Variants in MYO16 observed in about 807,000 individuals in gnomAD.
MYO16 encodes the protein unconventional myosin-XVI.
Under a neutral mutation model 205.3 loss-of-function variants are expected in MYO16, and 94 were observed. That is an observed-to-expected ratio of 0.46 (90% CI 0.39 to 0.54). The LOEUF (loss-of-function observed/expected upper bound fraction) is 0.54. MYO16 is among the 20% of genes least tolerant of loss of function. The pLI is 0.00. For synonymous variants in MYO16, 988 were observed against 954.0 expected (o/e 1.04, Z -0.66); for missense variants, 2,315 against 2,387.5 (o/e 0.97, Z 0.63).
chr13:108,638,213 C>A (rs757488627), intron 1 of MYO16, among the ~76,000 whole-genome samples: 5 of 152,104 alleles, frequency 3.3e-5, no homozygotes, highest in Non-Finnish European at 7.3e-5. Flanking sequence ...ACAGCAAGTT[C>A]GAAGACCCTG....
intron 32 of MYO16, among the ~76,000 whole-genome samples, chr13:109,148,212 G>C (rs1225583091): frequency 1.3e-5 from 2 of 152,108 alleles, no homozygotes; most frequent in Non-Finnish European, 2.9e-5. Flanking sequence ...TATGTTAAGA[G>C]CACAAAGCTC....
chr13:108,771,109 C>A (rs71435297), intron 4 of MYO16, among the ~76,000 whole-genome samples: 12,107 of 152,148 alleles, frequency 0.08, 617 homozygotes, highest in Non-Finnish European at 0.12. Flanking sequence ...ACTATAAAAA[C>A]AGAGGACTGT....
chr13:108,572,675 A>G, the MYO16 span, among the ~76,000 whole-genome samples: 1 of 152,130 alleles, frequency 6.6e-6, no homozygotes, highest in Non-Finnish European at 1.5e-5. Context: ...TTTTTGTGAC[A>G]TAGGTTACTG....
rs540196554 is a variant in MYO16, at chr13:109,139,027, C to G, written c.4052-1237C>G. Among the ~76,000 whole-genome samples the G allele has an allele frequency of 2.6e-5, 4 of 152,200 alleles. No homozygotes were observed. In the South Asian group the frequency reaches 6.2e-4, roughly 24 times the overall value. ...TAGAAATTGGGTTTCACCATGTTAG[C>G]CAGGCTGGTCTCAAACTCCTGACCT... On this transcript the variant is annotated intron_variant, in intron 31 of 34. Coordinates refer to ENST00000457511, the MANE Select transcript of MYO16 (RefSeq NM_001198950.3).
chr13:108,735,663 T>C, intron 4 of MYO16, among the ~76,000 whole-genome samples: 1 of 150,792 alleles, frequency 6.6e-6, no homozygotes, highest in Non-Finnish European at 1.5e-5. Context: ...TACCCAGTAA[T>C]GGTATGGCTG....
the MYO16 span, among the ~76,000 whole-genome samples, chr13:108,570,174 G>A: frequency 1.3e-5 from 2 of 152,108 alleles, no homozygotes; most frequent in Non-Finnish European, 2.9e-5. Context: ...CACTTTGGAA[G>A]TGTTTGTGAA....
At position 108,897,167 on chromosome 13, in the gene MYO16, G is replaced by A. The variant is rs555635969; in HGVS notation, c.1660-849G>A. ...CCCTCCTGTGGCTGATGCAGAAACC[G>A]CATGGAACATAACTATCATGCAAGA... is the stretch of plus-strand genomic sequence containing the variant. On this transcript the variant is annotated intron_variant, in intron 14 of 34. Coordinates refer to ENST00000457511, the MANE Select transcript of MYO16 (RefSeq NM_001198950.3). 3.9e-5 allele frequency among the ~76,000 whole-genome samples: 6 copies of A among 152,178 alleles called. No homozygotes were observed. The East Asian group carries it at 5.8e-4, about 15-fold the overall frequency.
At chr13:109,144,593 C>A (rs1470889079) in intron 32 of MYO16, among the ~76,000 whole-genome samples, 2 of 152,160 alleles carry the variant, frequency 1.3e-5, no homozygotes, top group Non-Finnish European at 2.9e-5. Context: ...TTTTACTTTA[C>A]CTTCTTTATG....
chr13:108,596,845 C>A (rs745615168), intron 1 of MYO16, among the ~76,000 whole-genome samples: 6 of 152,132 alleles, frequency 3.9e-5, no homozygotes, highest in Admixed American at 6.5e-5. Context: ...GAAACAATCA[C>A]TACCATTTGA....
chr13:108,955,622 A>G (rs1883319436), intron 16 of MYO16, among the ~76,000 whole-genome samples: 1 of 152,206 alleles, frequency 6.6e-6, no homozygotes, highest in African/African-American at 2.4e-5. Flanking sequence ...TGGAAGGCCA[A>G]GGCGGGTGGA....
the MYO16 span, among the ~76,000 whole-genome samples, chr13:108,557,820 G>A: frequency 6.6e-6 from 1 of 152,064 alleles, no homozygotes; most frequent in South Asian, 2.1e-4. Context: ...AAGGGGTTAT[G>A]CAAATAAAAA....
intron 7 of MYO16, among the ~76,000 whole-genome samples, chr13:108,815,972 C>A (rs1332620603): frequency 2.6e-5 from 4 of 152,070 alleles, no homozygotes; most frequent in Non-Finnish European, 4.4e-5. Context: ...ATCAATGGAA[C>A]CTAAAATATA....
At chr13:108,631,154 T>C (rs1879962602) in intron 1 of MYO16, among the ~76,000 whole-genome samples, 1 of 152,226 alleles carries the variant, frequency 6.6e-6, no homozygotes, top group Non-Finnish European at 1.5e-5. Flanking sequence ...TTGTATTGCC[T>C]CTCGTGTTTT....
At chr13:108,690,140 G>GAAAAA (rs1882835727) in intron 2 of MYO16, among the ~76,000 whole-genome samples, 2 of 152,006 alleles carry the variant, frequency 1.3e-5, no homozygotes, top group Non-Finnish European at 2.9e-5. Context: ...TGGATACCAT[G>GAAAAA]CAAAACAAAA....
chr13:108,650,003 A>C (rs1880928032), intron 1 of MYO16, among the ~76,000 whole-genome samples: 1 of 152,222 alleles, frequency 6.6e-6, no homozygotes, highest in Non-Finnish European at 1.5e-5. Context: ...TTACAGTGAA[A>C]AGAAAAATAA....
chr13:108,523,327 G>C, the MYO16 span, among the ~76,000 whole-genome samples: 1 of 152,172 alleles, frequency 6.6e-6, no homozygotes, highest in Non-Finnish European at 1.5e-5. Context: ...AATGGAAACT[G>C]AGTCTGCCCT....
chr13:108,813,029 G>A (rs1887342598), intron 7 of MYO16, among the ~76,000 whole-genome samples: 2 of 152,068 alleles, frequency 1.3e-5, no homozygotes, highest in African/African-American at 4.8e-5. Context: ...ATACAACTAT[G>A]ACAACTGTAT....
rs1875930024 is a variant in MYO16 at position 109,120,315 on chromosome 13, T to C, written c.3439-55T>C. 3 of 1,228,672 alleles carry C rather than the reference T, an allele frequency of 2.4e-6. No homozygotes were observed. The Admixed American group carries it at 6.6e-5, about 27-fold the overall frequency. The allele number at this position is 1,228,672 out of a possible 1,614,324, so 76.1% of individuals were successfully genotyped here. On this transcript the variant is annotated intron_variant, in intron 28 of 34. Coordinates refer to ENST00000457511, the MANE Select transcript of MYO16 (RefSeq NM_001198950.3). ...AATATTTTGTCTGATTATTTTTCCA[T>C]CATCATTTTGGTATCTTCATGCTGT... is the stretch of plus-strand genomic sequence containing the variant.
intron 27 of MYO16, among the ~76,000 whole-genome samples, chr13:109,063,821 C>G (rs137929228): frequency 1.3e-5 from 2 of 152,092 alleles, no homozygotes; most frequent in African/African-American, 2.4e-5. Context: ...CCTGAACATA[C>G]CATGTGGTTT....
Sources: allele counts gnomAD v4.1 joint callset (sites outside exome capture counted in the v4.1 genomes callset), GRCh38; gene constraint gnomAD v4.1.1; transcripts MANE v1.5; gene names NCBI Gene and HGNC (gene_info 2026-07-23, HGNC 2026-07-21).